NALF1: variants seen among roughly 807,000 people sequenced by gnomAD.
NALF1 encodes NALCN channel auxiliary factor 1.
Under a neutral mutation model 48.4 loss-of-function variants are expected in NALF1, and 3 were observed. The observed-to-expected ratio is 0.06, with a 90% CI of 0.03 to 0.16. The LOEUF (loss-of-function observed/expected upper bound fraction) is 0.16, where lower values mean the gene tolerates loss of function less well. Ranked by LOEUF, NALF1 falls within the 10% of genes least tolerant of loss-of-function variation. NALF1 has a pLI of 1.00. For synonymous variants in NALF1, 262 were observed against 245.7 expected (o/e 1.07, Z -0.62); for missense variants, 526 against 571.5 (o/e 0.92, Z 0.81).
At chr13:107,830,710 T>C (rs928640011) in intron 1 of NALF1, among the ~76,000 whole-genome samples, 5 of 152,176 alleles carry the variant, frequency 3.3e-5, no homozygotes, top group Admixed American at 6.5e-5. Context: ...CCGTGTGATC[T>C]CACCCCTTCC....
chr13:107,448,809 T>G (rs994741976), intron 1 of NALF1, among the ~76,000 whole-genome samples: 2 of 152,126 alleles, frequency 1.3e-5, no homozygotes, highest in African/African-American at 4.8e-5. Context: ...ACACAGAATA[T>G]TATCATATCC....
At chr13:107,598,243 C>T (rs994299911) in intron 1 of NALF1, among the ~76,000 whole-genome samples, 1 of 152,186 alleles carries the variant, frequency 6.6e-6, no homozygotes, top group Non-Finnish European at 1.5e-5. Context: ...ATTTTGAGCA[C>T]CAATCCCTCT....
At chr13:107,566,022 A>G (rs1877799459) in intron 1 of NALF1, among the ~76,000 whole-genome samples, 1 of 152,180 alleles carries the variant, frequency 6.6e-6, no homozygotes, top group Admixed American at 6.5e-5. Context: ...ATTTTTCAAG[A>G]TGGGGTAAAA....
At chr13:107,211,610 A>T (rs1027326508) in intron 1 of NALF1, among the ~76,000 whole-genome samples, 1 of 152,198 alleles carries the variant, frequency 6.6e-6, no homozygotes, top group Admixed American at 6.5e-5. Flanking sequence ...AAATACAACA[A>T]TGGCAGATGT....
intron 1 of NALF1, among the ~76,000 whole-genome samples, chr13:107,714,333 G>T (rs2138521787): frequency 6.6e-6 from 1 of 152,160 alleles, no homozygotes; most frequent in Middle Eastern, 3.4e-3. Flanking sequence ...CATGAGACTT[G>T]ACACTATGAA....
intron 1 of NALF1, among the ~76,000 whole-genome samples, chr13:107,655,092 A>ACTCTGTCT: frequency 6.6e-6 from 1 of 152,288 alleles, no homozygotes; most frequent in African/African-American, 2.4e-5. Context: ...CTGGAACAAG[A>ACTCTGTCT]CAAGGATGCC....
At chr13:107,670,012 T>C (rs1880953329) in intron 1 of NALF1, among the ~76,000 whole-genome samples, 1 of 152,158 alleles carries the variant, frequency 6.6e-6, no homozygotes, top group Non-Finnish European at 1.5e-5. Flanking sequence ...AAATGCCAAA[T>C]AGTCACTCTT....
At chr13:107,578,847 T>C (rs1014802529) in intron 1 of NALF1, among the ~76,000 whole-genome samples, 1 of 152,178 alleles carries the variant, frequency 6.6e-6, no homozygotes, top group Non-Finnish European at 1.5e-5. Context: ...TTGTATTTCA[T>C]TTCTTAAGTA....
At chr13:107,651,699 T>C (rs549417398) in intron 1 of NALF1, among the ~76,000 whole-genome samples, 92 of 152,288 alleles carry the variant, frequency 6.0e-4, no homozygotes, top group African/African-American at 2.1e-3. Context: ...TTCCAGGACT[T>C]CCCGCTGTCT....
chr13:107,310,292 C>T (rs576808472), intron 1 of NALF1, among the ~76,000 whole-genome samples: 15 of 151,986 alleles, frequency 9.9e-5, no homozygotes, highest in African/African-American at 3.6e-4. Context: ...CACTTGTAAT[C>T]CTAGCTGCTT....
intron 1 of NALF1, among the ~76,000 whole-genome samples, chr13:107,451,689 G>A (rs573420155): frequency 6.6e-6 from 1 of 152,216 alleles, no homozygotes; most frequent in East Asian, 1.9e-4. Flanking sequence ...TTATGCTTCT[G>A]TTCACATTTC....
At chr13:107,212,233 G>A (rs1218152817) in intron 1 of NALF1, among the ~76,000 whole-genome samples, 3 of 152,192 alleles carry the variant, frequency 2.0e-5, no homozygotes, top group Non-Finnish European at 4.4e-5. Flanking sequence ...GAGGTAAAAT[G>A]AGATAAATAT....
At chr13:107,191,753 C>A (rs375503589) in intron 2 of NALF1, among the ~76,000 whole-genome samples, 2 of 151,296 alleles carry the variant, frequency 1.3e-5, no homozygotes, top group African/African-American at 4.9e-5. Flanking sequence ...CTCACTGCAA[C>A]CTCTGCCTCC....
rs554041591 is a variant in NALF1 at position 107,759,293 on chromosome 13, C to A, written c.915+106389G>T. Among the ~76,000 whole-genome samples, 10 of 152,314 alleles carry A rather than the reference C, an allele frequency of 6.6e-5. No homozygotes were observed. In the South Asian group the frequency reaches 2.1e-3, roughly 32 times the overall value. On this transcript the variant is annotated intron_variant, in intron 1 of 2. Transcript: ENST00000375915. Reference sequence around the variant, plus strand: ...GCATGATCTCAGCTCACTGGATCCTCTGCCTCCCGGGTTCAAGCAATTCTC... The same window carrying A: ...GCATGATCTCAGCTCACTGGATCCTATGCCTCCCGGGTTCAAGCAATTCTC...
intron 1 of NALF1, among the ~76,000 whole-genome samples, chr13:107,550,043 AATG>A (rs1877249259): frequency 6.6e-6 from 1 of 152,132 alleles, no homozygotes; most frequent in Admixed American, 6.6e-5. Flanking sequence ...TCATCAGACA[AATG>A]ATGACCCATA....
chr13:107,714,432 C>T (rs1209396333), intron 1 of NALF1, among the ~76,000 whole-genome samples: 1 of 151,870 alleles, frequency 6.6e-6, no homozygotes, highest in East Asian at 1.9e-4. Flanking sequence ...TTTGGGAGGA[C>T]GAGGTGGGCA....
At chr13:107,329,470 G>A (rs944800141) in intron 1 of NALF1, among the ~76,000 whole-genome samples, 3 of 151,788 alleles carry the variant, frequency 2.0e-5, no homozygotes, top group Admixed American at 6.6e-5. Context: ...TCACTCCTGG[G>A]AATACCTGGC....
intron 1 of NALF1, among the ~76,000 whole-genome samples, chr13:107,231,564 G>T (rs1179037062): frequency 6.6e-6 from 1 of 152,140 alleles, no homozygotes; most frequent in East Asian, 1.9e-4. Context: ...TTCACCTCTC[G>T]AATTTCAGCA....
At position 107,866,557 on chromosome 13, in the gene NALF1, C is replaced by G. The variant is rs763303628; in HGVS notation, c.40G>C (p.Gly14Arg). ...GAWMCRQYDD[G>R]LKIWLAAPRE... is the part of the protein sequence containing the mutation. ...GGTGCTGCCAACCAGATTTTTAAGCCGTCGTCATACTGCCGACACATCCAA... is the reference window on the plus strand; with the variant it reads ...GGTGCTGCCAACCAGATTTTTAAGCGGTCGTCATACTGCCGACACATCCAA... Residue 14 changes from glycine (G) to arginine (R), a missense_variant, in exon 1 of 3, where the codon GGC becomes CGC. Gly to Arg is a moderately radical substitution (Grantham distance 125, BLOSUM62 -2). Transcript: ENST00000375915. The surrounding 1 kb of genome is among the most constrained non-coding windows in gnomAD (Gnocchi z 4.4). 6.2e-7 allele frequency: 1 copy of G among 1,612,106 alleles called. No homozygotes were observed. The highest frequency in any genetic ancestry group is 8.5e-7 in the Non-Finnish European group (1 of 1,179,906).
Sources: allele counts gnomAD v4.1 joint callset (sites outside exome capture counted in the v4.1 genomes callset), GRCh38; gene constraint gnomAD v4.1.1; non-coding constraint Gnocchi (gnomAD v3.1); transcripts MANE v1.5; gene names NCBI Gene and HGNC (gene_info 2026-07-23, HGNC 2026-07-21).